CDH4: variants seen among roughly 807,000 people sequenced by gnomAD.
CDH4 encodes cadherin 4.
A neutral mutation model predicts 86.0 loss-of-function variants in CDH4; 33 were observed. The observed-to-expected ratio is 0.38, with a 90% CI of 0.29 to 0.51. CDH4 has a LOEUF of 0.51. CDH4 is among the 20% of genes least tolerant of loss of function. CDH4 has a pLI of 0.86. For missense variants in CDH4, 1,114 were observed against 1,307.4 expected, an observed-to-expected ratio of 0.85 and a Z score of 2.28; for synonymous variants, 555 against 549.4, an observed-to-expected ratio of 1.01 and a Z score of -0.14.
intron 2 of CDH4, among the ~76,000 whole-genome samples, chr20:61,643,171 CTG>C (rs2087028666): frequency 1.3e-5 from 2 of 152,336 alleles, no homozygotes; most frequent in African/African-American, 4.8e-5. Flanking sequence ...GGGCCATGCA[CTG>C]TGTCATAACA....
In CDH4 at chr20:61,714,023, T is replaced by TTATGTTATG. The variant is rs1555828915; in HGVS notation, c.170-29539_170-29538insATGTTATGT. On this transcript the variant is annotated intron_variant, in intron 2 of 15. Coordinates refer to ENST00000614565, the MANE Select transcript of CDH4 (RefSeq NM_001794.5). ...GTCTTAGTCCATTGTCTATTCTTTT[T>TTATGTTATG]TTATTTTATTTTATTTTATTTTATT... Among the ~76,000 whole-genome samples the TTATGTTATG allele has an allele frequency of 1.3e-3, 158 of 123,842 alleles. 5 individuals are homozygous for TTATGTTATG. Among genetic ancestry groups the TTATGTTATG allele is most frequent in the South Asian group, 4.6e-3 (15 of 3,276 alleles). The allele number at this position is 123,842 out of a possible 152,430, so 81.2% of individuals were successfully genotyped here. A position where few individuals can be genotyped will look rare whatever the true frequency, so the allele number is the denominator to read the frequency against.
intron 6 of CDH4, among the ~76,000 whole-genome samples, chr20:61,867,783 T>C (rs759037942): frequency 6.6e-5 from 10 of 152,124 alleles, no homozygotes; most frequent in Non-Finnish European, 1.2e-4. Context: ...GAAGAGCTAA[T>C]GTGATAAAAG....
At chr20:61,570,556 C>T (rs906678271) in intron 2 of CDH4, 7 of 653,310 alleles carry the variant, frequency 1.1e-5, no homozygotes, top group South Asian at 8.3e-5. Context: ...TACATCCAAG[C>T]GTTGACTTTT....
chr20:61,850,867 G>T (rs756673025), intron 5 of CDH4, among the ~76,000 whole-genome samples: 1 of 152,226 alleles, frequency 6.6e-6, no homozygotes, highest in Non-Finnish European at 1.5e-5. Context: ...GGTGAGGCAG[G>T]GAGTGGGACA....
rs780889018 is a variant in CDH4 at position 61,754,821 on chromosome 20, G to C, written c.396+11032G>C. On this transcript the variant is annotated intron_variant, in intron 3 of 15. Coordinates refer to ENST00000614565, the MANE Select transcript of CDH4 (RefSeq NM_001794.5). This position sits in a 1 kb window ranked among gnomAD's most constrained non-coding sequence, Gnocchi z 4.7. ...CACACACACCACACACACGATGCAT[G>C]CCACACACCACACACATGCCCCACA... 1.5e-5 allele frequency among the ~76,000 whole-genome samples: 2 copies of C among 130,210 alleles called. No individual in the cohort carries two copies. Among genetic ancestry groups the C allele is most frequent in the Non-Finnish European group, 3.3e-5 (2 of 61,332 alleles). 85.4% of individuals were successfully genotyped at this position (130,210 alleles called of 152,430 possible). A position where few individuals can be genotyped will look rare whatever the true frequency, so the allele number is the denominator to read the frequency against.
intron 2 of CDH4, among the ~76,000 whole-genome samples, chr20:61,563,568 A>G (rs1448808345): frequency 6.6e-6 from 1 of 152,178 alleles, no homozygotes; most frequent in South Asian, 2.1e-4. Context: ...CCAGCATTCC[A>G]TGAAATAGTT....
At chr20:61,287,230 T>G (rs2084297915) in intron 2 of CDH4, among the ~76,000 whole-genome samples, 1 of 152,142 alleles carries the variant, frequency 6.6e-6, no homozygotes, top group African/African-American at 2.4e-5. Flanking sequence ...CTACTCTCAG[T>G]GCACACTACA....
intron 2 of CDH4, among the ~76,000 whole-genome samples, chr20:61,422,641 A>G (rs1259121436): frequency 6.6e-6 from 1 of 151,996 alleles, no homozygotes; most frequent in Non-Finnish European, 1.5e-5. Context: ...CATGCAGGAG[A>G]ACTTACGGAT....
intron 2 of CDH4, among the ~76,000 whole-genome samples, chr20:61,651,637 C>T (rs1042031170): frequency 1.3e-5 from 2 of 152,168 alleles, no homozygotes; most frequent in Non-Finnish European, 2.9e-5. Context: ...TCGCAGGTGG[C>T]CATCGGGGGC....
chr20:61,565,887 G>T (rs1406710785), intron 2 of CDH4, among the ~76,000 whole-genome samples: 1 of 152,196 alleles, frequency 6.6e-6, no homozygotes, highest in Non-Finnish European at 1.5e-5. Context: ...GCTGCCTGGG[G>T]TGAGGGTGTC....
intron 2 of CDH4, among the ~76,000 whole-genome samples, chr20:61,512,450 G>T (rs1386012050): frequency 6.6e-6 from 1 of 152,172 alleles, no homozygotes; most frequent in African/African-American, 2.4e-5. Context: ...CTGGTCCAAG[G>T]CCTAGAAGAA....
chr20:61,260,534 C>T (rs1207298259), intron 2 of CDH4, among the ~76,000 whole-genome samples: 3 of 152,144 alleles, frequency 2.0e-5, no homozygotes, highest in Non-Finnish European at 4.4e-5. Context: ...GTCTCTGTAG[C>T]GAAGCAGAAT....
At chr20:61,313,777 C>T (rs1600858148) in intron 2 of CDH4, among the ~76,000 whole-genome samples, 2 of 152,242 alleles carry the variant, frequency 1.3e-5, no homozygotes, top group East Asian at 1.9e-4. Context: ...CGCTCTGTCA[C>T]CCAGGCTGGA....
At chr20:61,748,096 G>C (rs2088441520) in intron 3 of CDH4, among the ~76,000 whole-genome samples, 1 of 152,154 alleles carries the variant, frequency 6.6e-6, no homozygotes, top group Admixed American at 6.5e-5. Flanking sequence ...GCGTTGTGGG[G>C]GGGTTGGAAG....
chr20:61,711,118 C>T (rs192188136), intron 2 of CDH4, among the ~76,000 whole-genome samples: 52 of 152,276 alleles, frequency 3.4e-4, no homozygotes, highest in Non-Finnish European at 6.8e-4. Flanking sequence ...ACTATTCCAG[C>T]GATAGTGAAT....
intron 2 of CDH4, among the ~76,000 whole-genome samples, chr20:61,649,095 A>G (rs2087094621): frequency 6.6e-6 from 1 of 152,254 alleles, no homozygotes; most frequent in South Asian, 2.1e-4. Flanking sequence ...GCATGAGCTG[A>G]TAACAGTGAT....
chr20:61,355,165 C>A (rs28625007), intron 2 of CDH4, among the ~76,000 whole-genome samples: 34,496 of 152,080 alleles, frequency 0.23, 3,861 homozygotes, highest in Middle Eastern at 0.36. Context: ...TAAATCCTTT[C>A]ATTTCCAGGC....
Position 61,868,861 on chromosome 20 carries a change from A to G in CDH4, c.878-4867A>G, listed in dbSNP as rs183902588. ...GGGGAGCTCTGAGCACACGTGGGGA[A>G]GCCCCATCCCAGCCGGGCACACCTG... On this transcript the variant is annotated intron_variant, in intron 6 of 15. Coordinates refer to ENST00000614565, the MANE Select transcript of CDH4 (RefSeq NM_001794.5). 2.8e-3 allele frequency among the ~76,000 whole-genome samples: 433 copies of G among 152,314 alleles called. 2 individuals are homozygous for G. The highest frequency in any genetic ancestry group is 9.4e-3 in the African/African-American group (392 of 41,572).
At chr20:61,289,281 TA>T (rs2123180296) in intron 2 of CDH4, among the ~76,000 whole-genome samples, 1 of 152,244 alleles carries the variant, frequency 6.6e-6, no homozygotes, top group South Asian at 2.1e-4. Flanking sequence ...AGTCTATGGG[TA>T]GGGACACCAA....
Sources: gnomAD v4.1 joint callset for allele counts (sites outside exome capture counted in the v4.1 genomes callset) on GRCh38, gnomAD v4.1.1 for gene constraint, Gnocchi (gnomAD v3.1) non-coding constraint, MANE v1.5 for transcripts, NCBI Gene and HGNC (gene_info 2026-07-23, HGNC 2026-07-21) for gene names.